CHD9: variants seen among roughly 807,000 people sequenced by gnomAD.
The protein encoded by CHD9 is ATP-dependent chromatin remodeler CHD9.
A neutral mutation model predicts 316.1 loss-of-function variants in CHD9; 77 were observed. That is an observed-to-expected ratio of 0.24 (90% CI 0.20 to 0.29). The LOEUF is 0.29. CHD9 is among the 10% of genes least tolerant of loss of function. The pLI is 1.00. For missense variants in CHD9, 2,763 were observed against 3,438.1 expected, an observed-to-expected ratio of 0.80 and a Z score of 4.91; for synonymous variants, 1,129 against 1,158.3, an observed-to-expected ratio of 0.97 and a Z score of 0.51.
intron 30 of CHD9, chr16:53,299,723 G>T: frequency 4.9e-6 from 1 of 203,284 alleles, no homozygotes. Context: ...TGTGTGTCCA[G>T]GCTACACCAG....
chr16:53,072,036 A>G (rs1263754258), intron 1 of CHD9, among the ~76,000 whole-genome samples: 1 of 152,112 alleles, frequency 6.6e-6, no homozygotes, highest in Admixed American at 6.6e-5. Context: ...ACATGCATGC[A>G]CACCCACCTC....
chr16:53,191,934 G>A (rs1272459773), intron 2 of CHD9, among the ~76,000 whole-genome samples: 2 of 151,988 alleles, frequency 1.3e-5, no homozygotes, highest in Non-Finnish European at 2.9e-5. Context: ...GGTATTGTCA[G>A]TCTTTTTAAA....
chr16:53,306,429 A>AT, intron 32 of CHD9, 32 bp downstream of exon 32: 1 of 1,497,238 alleles, frequency 6.7e-7, no homozygotes, highest in Non-Finnish European at 8.9e-7. Flanking sequence ...GGGATAGGTC[A>AT]TTTTTTAGTA....
chr16:53,122,500 C>T (rs571607999), intron 1 of CHD9, among the ~76,000 whole-genome samples: 60 of 150,986 alleles, frequency 4.0e-4, no homozygotes, highest in African/African-American at 1.2e-3. Context: ...GGATTTAATG[C>T]GTACAATACT....
chr16:53,170,525 C>A (rs1014876019), intron 2 of CHD9, among the ~76,000 whole-genome samples: 1 of 149,052 alleles, frequency 6.7e-6, no homozygotes, highest in Non-Finnish European at 1.5e-5. Context: ...AGCTCATTTG[C>A]TTTTTGATTG....
chr16:53,202,987 A>C (rs901312729), intron 2 of CHD9, among the ~76,000 whole-genome samples: 50 of 152,096 alleles, frequency 3.3e-4, no homozygotes, highest in Non-Finnish European at 1.5e-4. Context: ...CTCTTGGATC[A>C]GTTTTTTTCT....
At chr16:53,202,479 A>T (rs1261612566) in intron 2 of CHD9, among the ~76,000 whole-genome samples, 1 of 147,216 alleles carries the variant, frequency 6.8e-6, no homozygotes, top group Non-Finnish European at 1.5e-5. Flanking sequence ...TTTGTTTCTT[A>T]CAGTTTCTTT....
At chr16:53,076,292 A>C (rs1443244998) in intron 1 of CHD9, among the ~76,000 whole-genome samples, 2 of 152,182 alleles carry the variant, frequency 1.3e-5, no homozygotes, top group Non-Finnish European at 2.9e-5. Context: ...TATTTTAATT[A>C]GGCTGGGTGT....
intron 1 of CHD9, among the ~76,000 whole-genome samples, chr16:53,055,310 C>T (rs2031928879): frequency 6.6e-6 from 1 of 152,182 alleles, no homozygotes; most frequent in Admixed American, 6.5e-5. Context: ...CCTCGCCTCC[C>T]AGAGCATGCC....
At chr16:53,271,249 A>G (rs1260433669) in intron 22 of CHD9, among the ~76,000 whole-genome samples, 3 of 152,152 alleles carry the variant, frequency 2.0e-5, no homozygotes, top group Admixed American at 2.0e-4. Context: ...GCATCTCAGG[A>G]AAGTCTCTAA....
chr16:53,108,627 C>A (rs552957704), intron 1 of CHD9, among the ~76,000 whole-genome samples: 204 of 152,202 alleles, frequency 1.3e-3, no homozygotes, highest in Non-Finnish European at 2.3e-3. Flanking sequence ...GTAATCCCAG[C>A]TCTTTGGGAG....
chr16:53,102,813 G>A (rs1256478912), intron 1 of CHD9, among the ~76,000 whole-genome samples: 2 of 152,134 alleles, frequency 1.3e-5, no homozygotes, highest in Non-Finnish European at 2.9e-5. Context: ...TGGTGCCACT[G>A]AACTCCAGCC....
At chr16:53,077,564 T>G (rs1567311302) in intron 1 of CHD9, among the ~76,000 whole-genome samples, 1 of 152,134 alleles carries the variant, frequency 6.6e-6, no homozygotes, top group Non-Finnish European at 1.5e-5. Context: ...TCTGACTTCG[T>G]GATCCGCCTG....
At chr16:53,258,858 T>C (rs1457361063) in intron 19 of CHD9, among the ~76,000 whole-genome samples, 2 of 152,110 alleles carry the variant, frequency 1.3e-5, no homozygotes, top group Non-Finnish European at 1.5e-5. Flanking sequence ...TTTTTAAAAA[T>C]TTGATAGAGA....
At chr16:53,291,395 G>GA (rs1270433605) in intron 27 of CHD9, among the ~76,000 whole-genome samples, 1 of 151,972 alleles carries the variant, frequency 6.6e-6, no homozygotes, top group South Asian at 2.1e-4. Context: ...TAAGAAAGGG[G>GA]AAAAAAACAC....
chr16:53,274,392 T>C, intron 24 of CHD9, 90 bp downstream of exon 24: 1 of 674,990 alleles, frequency 1.5e-6, no homozygotes, highest in Non-Finnish European at 2.5e-6. Context: ...CTCCCACCTC[T>C]GCCTCCTGAG....
At chr16:53,302,863 T>C (rs1167989488) in intron 30 of CHD9, among the ~76,000 whole-genome samples, 1 of 152,228 alleles carries the variant, frequency 6.6e-6, no homozygotes, top group African/African-American at 2.4e-5. Flanking sequence ...ACTTCCCAAG[T>C]GTCAGTAACC....
intron 1 of CHD9, among the ~76,000 whole-genome samples, chr16:53,075,768 C>T (rs987322345): frequency 2.6e-5 from 4 of 152,182 alleles, no homozygotes; most frequent in African/African-American, 9.6e-5. Context: ...TCACATATGT[C>T]TTTATCAGCA....
At chr16:53,145,096 C>T (rs916958956) in intron 1 of CHD9, among the ~76,000 whole-genome samples, 1 of 150,914 alleles carries the variant, frequency 6.6e-6, no homozygotes, top group African/African-American at 2.4e-5. Context: ...TTTCAGAATA[C>T]ATTGGTTAGA....
Sources: allele counts gnomAD v4.1 joint callset (sites outside exome capture counted in the v4.1 genomes callset), GRCh38; gene constraint gnomAD v4.1.1; transcripts MANE v1.5; gene names NCBI Gene and HGNC (gene_info 2026-07-23, HGNC 2026-07-21).